The following ASCC3 variants were observed in gnomAD, a reference collection of about 807,000 sequenced individuals.
The protein encoded by ASCC3 is activating signal cointegrator 1 complex subunit 3, also known as ASC-1 complex subunit P200.
Under a neutral mutation model 256.3 loss-of-function variants are expected in ASCC3, and 158 were observed. The ratio of observed to expected loss-of-function variants is 0.62; its 90% CI spans 0.54 to 0.70. The LOEUF is 0.70. ASCC3 is among the 30% of genes least tolerant of loss of function. The pLI is 0.00. For missense variants in ASCC3, 2,259 were observed against 2,626.0 expected, an observed-to-expected ratio of 0.86 and a Z score of 3.05; for synonymous variants, 948 against 883.4, an observed-to-expected ratio of 1.07 and a Z score of -1.30.
intron 4 of ASCC3, among the ~76,000 whole-genome samples, chr6:100,831,974 G>A (rs1448595953): frequency 6.6e-6 from 1 of 152,088 alleles, no homozygotes; most frequent in Non-Finnish European, 1.5e-5. Context: ...AGATAATTCT[G>A]TGGAAATAGT....
chr6:100,875,538 C>G (rs1773958035), intron 1 of ASCC3, among the ~76,000 whole-genome samples: 1 of 152,058 alleles, frequency 6.6e-6, no homozygotes, highest in African/African-American at 2.4e-5. Context: ...CCTAAGAAAA[C>G]AGACATACAT....
intron 36 of ASCC3, among the ~76,000 whole-genome samples, chr6:100,573,619 T>G (rs1259270780): frequency 6.6e-6 from 1 of 152,124 alleles, no homozygotes; most frequent in Non-Finnish European, 1.5e-5. Flanking sequence ...TTATTTCCAG[T>G]AAGATAATAT....
chr6:100,824,064 T>A (rs1186074217), intron 4 of ASCC3, among the ~76,000 whole-genome samples: 1 of 152,102 alleles, frequency 6.6e-6, no homozygotes, highest in Non-Finnish European at 1.5e-5. Context: ...ATATGAACCA[T>A]AAATCTACAA....
At chr6:100,711,721 ACT>A (rs1266719128) in intron 13 of ASCC3, among the ~76,000 whole-genome samples, 1 of 152,140 alleles carries the variant, frequency 6.6e-6, no homozygotes, top group Non-Finnish European at 1.5e-5. Flanking sequence ...CAAGAGTGAA[ACT>A]CTGTCTCAAA....
chr6:100,583,233 G>C (rs1771417804), intron 36 of ASCC3, among the ~76,000 whole-genome samples: 1 of 152,062 alleles, frequency 6.6e-6, no homozygotes, highest in South Asian at 2.1e-4. Context: ...TTTTTCGTTG[G>C]TAAGCTATTG....
At position 100,598,830 on chromosome 6, in the gene ASCC3, T is replaced by C. The variant is rs190470015; in HGVS notation, c.5303+2980A>G. Among the ~76,000 whole-genome samples, 244 of 152,298 alleles carry C rather than the reference T, an allele frequency of 1.6e-3. 7 individuals carry two copies. Among genetic ancestry groups the C allele is most frequent in the Admixed American group, 0.013 (192 of 15,300 alleles). On this transcript the variant is annotated intron_variant, in intron 34 of 41. Coordinates refer to ENST00000369162, the MANE Select transcript of ASCC3 (RefSeq NM_006828.4). Reference sequence around the variant, plus strand: ...AGTTCCCACCCCCTATATAATACATTTAATTTCTGATCAATACTATCTGAC... The same window carrying C: ...AGTTCCCACCCCCTATATAATACATCTAATTTCTGATCAATACTATCTGAC...
chr6:100,789,570 T>C (rs1364563741), intron 8 of ASCC3, among the ~76,000 whole-genome samples: 1 of 152,012 alleles, frequency 6.6e-6, no homozygotes. Flanking sequence ...GATTAAGTTT[T>C]CTGATTCATC....
intron 25 of ASCC3, among the ~76,000 whole-genome samples, chr6:100,637,777 A>G (rs549461255): frequency 2.6e-4 from 39 of 152,294 alleles, no homozygotes; most frequent in African/African-American, 6.7e-4. Flanking sequence ...GGAAACAGCA[A>G]GAGAACTAGA....
intron 8 of ASCC3, among the ~76,000 whole-genome samples, chr6:100,789,681 C>T (rs1190039431): frequency 6.6e-6 from 1 of 151,612 alleles, no homozygotes; most frequent in African/African-American, 2.4e-5. Flanking sequence ...GAAAGAGGTC[C>T]CTATAAGAAA....
intron 1 of ASCC3, among the ~76,000 whole-genome samples, chr6:100,875,984 A>C (rs705608): frequency 0.71 from 107,295 of 151,992 alleles, 38,100 homozygotes; most frequent in East Asian, 0.75. Context: ...TCTGAAAATA[A>C]AGGATAGAGT....
intron 14 of ASCC3, among the ~76,000 whole-genome samples, chr6:100,676,738 GCGCGCGTGCGCGCACACACA>G (rs1777030947): frequency 7.5e-6 from 1 of 133,876 alleles, no homozygotes; most frequent in African/African-American, 2.8e-5. Flanking sequence ...GTATGTGTGC[GCGCGCGTGCGCGCACACACA>G]CACTCACACA....
chr6:100,833,731 T>C lies in ASCC3; in HGVS notation c.801+14417A>G, dbSNP rs846783. ...TAATGCTGGTAAATGTTTGTAAAAC[T>C]GAAGGATGTGTCATTCAGAGTGAAG... On this transcript the variant is annotated intron_variant, in intron 4 of 41. Transcript: ENST00000369162. Among the ~76,000 whole-genome samples, 1,052 of 152,316 alleles carry C rather than the reference T, an allele frequency of 6.9e-3. 12 individuals carry two copies. The highest frequency in any genetic ancestry group is 0.024 in the African/African-American group (1,011 of 41,570).
intron 8 of ASCC3, among the ~76,000 whole-genome samples, chr6:100,793,254 C>T (rs1168632792): frequency 2.6e-5 from 4 of 151,998 alleles, no homozygotes; most frequent in Admixed American, 6.6e-5. Flanking sequence ...CTTTGTTCAA[C>T]ATATTTTGAT....
At chr6:100,668,301 G>A (rs1438826477) in intron 14 of ASCC3, among the ~76,000 whole-genome samples, 1 of 151,960 alleles carries the variant, frequency 6.6e-6, no homozygotes, top group Non-Finnish European at 1.5e-5. Flanking sequence ...GAATATGAAA[G>A]AAATATACTA....
intron 16 of ASCC3, among the ~76,000 whole-genome samples, chr6:100,658,821 C>T (rs76894364): frequency 0.014 from 2,130 of 151,048 alleles, 38 homozygotes; most frequent in African/African-American, 0.049. Flanking sequence ...AGATGAACTC[C>T]GTATAAAAAA....
intron 13 of ASCC3, among the ~76,000 whole-genome samples, chr6:100,693,426 G>A (rs1048758853): frequency 2.6e-5 from 4 of 152,042 alleles, no homozygotes; most frequent in Non-Finnish European, 4.4e-5. Context: ...TAGAGTTGGG[G>A]CAGCATTTTC....
chr6:100,695,237 T>C (rs572862044), intron 13 of ASCC3, among the ~76,000 whole-genome samples: 5 of 152,100 alleles, frequency 3.3e-5, no homozygotes, highest in Non-Finnish European at 7.4e-5. Context: ...GTCAAAGAAC[T>C]GTTCTAAATT....
In ASCC3 at chr6:100,840,229, C is replaced by T. The variant is rs141375521; in HGVS notation, c.801+7919G>A. Among the ~76,000 whole-genome samples, 263 of 152,284 alleles carry T rather than the reference C, an allele frequency of 1.7e-3. 1 individual carries two copies. The highest frequency in any genetic ancestry group is 6.0e-3 in the African/African-American group (249 of 41,562). On this transcript the variant is annotated intron_variant, in intron 4 of 41. Transcript: ENST00000369162. ...AAAGATACATCTGATCCAAATAACTCTCCACCCAAAACCAGTGAGTACTTT... is the reference window on the plus strand; with the variant it reads ...AAAGATACATCTGATCCAAATAACTTTCCACCCAAAACCAGTGAGTACTTT...
At chr6:100,561,993 A>G (rs1769980582) in intron 36 of ASCC3, among the ~76,000 whole-genome samples, 1 of 152,096 alleles carries the variant, frequency 6.6e-6, no homozygotes, top group Non-Finnish European at 1.5e-5. Context: ...AGAAAGCATA[A>G]CATTTTATGT....
Sources: allele counts gnomAD v4.1 joint callset (sites outside exome capture counted in the v4.1 genomes callset), GRCh38; gene constraint gnomAD v4.1.1; transcripts MANE v1.5; gene names NCBI Gene and HGNC (gene_info 2026-07-23, HGNC 2026-07-21).